The following DOCK4 variants were observed in gnomAD, a reference collection of about 807,000 sequenced individuals.
DOCK4 encodes the protein dedicator of cytokinesis protein 4.
DOCK4 carries 97 observed loss-of-function variants against 268.1 expected under a neutral mutation model. The ratio of observed to expected loss-of-function variants is 0.36; its 90% CI spans 0.31 to 0.43. DOCK4 has a LOEUF of 0.43. DOCK4 is among the 20% of genes least tolerant of loss of function. DOCK4 has a pLI of 1.00. For synonymous variants in DOCK4, 954 were observed against 887.2 expected, an observed-to-expected ratio of 1.08 and a Z score of -1.34; for missense variants, 2,145 against 2,455.7, an observed-to-expected ratio of 0.87 and a Z score of 2.67.
At chr7:111,798,545 G>C (rs1436448935) in intron 30 of DOCK4, among the ~76,000 whole-genome samples, 1 of 152,276 alleles carries the variant, frequency 6.6e-6, no homozygotes, top group Non-Finnish European at 1.5e-5. Context: ...CCAAGCCACT[G>C]TCATAATAGC....
At chr7:111,979,193 G>A (rs548832838) in intron 7 of DOCK4, among the ~76,000 whole-genome samples, 13 of 152,078 alleles carry the variant, frequency 8.5e-5, no homozygotes, top group African/African-American at 2.4e-4. Context: ...GAATTTTTTC[G>A]TGCTTAGAAG....
At chr7:112,183,705 G>A (rs1819247480) in intron 1 of DOCK4, among the ~76,000 whole-genome samples, 1 of 152,170 alleles carries the variant, frequency 6.6e-6, no homozygotes, top group African/African-American at 2.4e-5. Context: ...GGTGAGGGTT[G>A]GGTAGTTCAA....
At chr7:112,042,083 C>G (rs928253013) in intron 1 of DOCK4, among the ~76,000 whole-genome samples, 6 of 152,224 alleles carry the variant, frequency 3.9e-5, no homozygotes, top group Admixed American at 3.9e-4. Context: ...TACTACCACT[C>G]TTGTGAACAG....
chr7:112,032,794 C>T (rs950282799), intron 1 of DOCK4, among the ~76,000 whole-genome samples: 8 of 152,018 alleles, frequency 5.3e-5, no homozygotes, highest in Non-Finnish European at 8.8e-5. Context: ...AAATGTACTA[C>T]CTTTTATTCT....
chr7:111,900,662 C>G lies in DOCK4; in HGVS notation c.1318-126G>C. On this transcript the variant is annotated intron_variant, in intron 14 of 52. Transcript: ENST00000428084. Reference sequence around the variant, plus strand: ...GCACTATGAAATTACCTCGCTGGGCCTTTGCCGTGTGTTTCTGTACTTGCT... The same window carrying G: ...GCACTATGAAATTACCTCGCTGGGCGTTTGCCGTGTGTTTCTGTACTTGCT... 25 of 981,088 alleles carry G rather than the reference C, an allele frequency of 2.5e-5. No homozygotes were observed. The South Asian group carries it at 4.3e-4, about 17-fold the overall frequency. 60.8% of individuals were successfully genotyped at this position (981,088 alleles called of 1,614,324 possible).
intron 1 of DOCK4, among the ~76,000 whole-genome samples, chr7:112,018,327 T>C (rs1802035544): frequency 6.6e-6 from 1 of 152,128 alleles, no homozygotes; most frequent in Admixed American, 6.6e-5. Flanking sequence ...AAAAAAATGC[T>C]GCTTGTTTAT....
chr7:111,814,818 T>C (rs756068307), intron 27 of DOCK4, among the ~76,000 whole-genome samples: 1 of 152,164 alleles, frequency 6.6e-6, no homozygotes, highest in South Asian at 2.1e-4. Context: ...CACAGGGCAT[T>C]GGGCCTGTGA....
intron 30 of DOCK4, among the ~76,000 whole-genome samples, chr7:111,805,091 G>A (rs1800577787): frequency 6.6e-6 from 1 of 152,180 alleles, no homozygotes; most frequent in Non-Finnish European, 1.5e-5. Context: ...GGGAAGAAGA[G>A]AAGCCCTGCC....
At chr7:112,077,765 G>T (rs544549543) in intron 1 of DOCK4, among the ~76,000 whole-genome samples, 1 of 152,124 alleles carries the variant, frequency 6.6e-6, no homozygotes, top group South Asian at 2.1e-4. Context: ...GGATAATACA[G>T]CACTTGTAAT....
chr7:111,852,164 A>G (rs1470127028), intron 23 of DOCK4, among the ~76,000 whole-genome samples: 1 of 151,976 alleles, frequency 6.6e-6, no homozygotes, highest in South Asian at 2.1e-4. Context: ...GGGTTTCACC[A>G]TATTCCCCAG....
At chr7:112,012,474 C>A (rs1001051171) in intron 1 of DOCK4, among the ~76,000 whole-genome samples, 1 of 152,076 alleles carries the variant, frequency 6.6e-6, no homozygotes, top group African/African-American at 2.4e-5. Flanking sequence ...TTCTGCACAA[C>A]AGTATTATTT....
At chr7:111,956,747 T>C (rs6959716) in intron 8 of DOCK4, among the ~76,000 whole-genome samples, 51,001 of 152,066 alleles carry the variant, frequency 0.34, 11,870 homozygotes, top group African/African-American at 0.67. Flanking sequence ...GCCTGCCTTT[T>C]CCCTTTAAAT....
At chr7:111,762,557 A>G (rs1315900868) in intron 39 of DOCK4, among the ~76,000 whole-genome samples, 1 of 151,992 alleles carries the variant, frequency 6.6e-6, no homozygotes, top group Non-Finnish European at 1.5e-5. Flanking sequence ...GTATCATTGC[A>G]TAGATATGCT....
chr7:111,750,019 AC>A (rs1167519434), intron 42 of DOCK4, among the ~76,000 whole-genome samples: 2 of 152,210 alleles, frequency 1.3e-5, no homozygotes, highest in Non-Finnish European at 2.9e-5. Flanking sequence ...TAGAGTGTTC[AC>A]CAAGAATTAC....
At chr7:111,887,697 C>T (rs957412095) in intron 16 of DOCK4, among the ~76,000 whole-genome samples, 8 of 151,500 alleles carry the variant, frequency 5.3e-5, no homozygotes, top group African/African-American at 1.9e-4. Flanking sequence ...GGAAGACAGA[C>T]ATTTCACGCA....
chr7:111,857,579 A>AT (rs1016946436), intron 23 of DOCK4, among the ~76,000 whole-genome samples: 1 of 152,282 alleles, frequency 6.6e-6, no homozygotes, highest in South Asian at 2.1e-4. Context: ...ATATATAGCT[A>AT]TTTTTTAGCA....
At chr7:112,162,565 C>A (rs771475782) in intron 1 of DOCK4, among the ~76,000 whole-genome samples, 1 of 151,998 alleles carries the variant, frequency 6.6e-6, no homozygotes, top group Non-Finnish European at 1.5e-5. Flanking sequence ...CCACACACCC[C>A]ACTCCCCTCT....
chr7:111,740,953 C>T (rs775856236), intron 47 of DOCK4, 141 bp downstream of exon 47: 7 of 974,300 alleles, frequency 7.2e-6, no homozygotes, highest in Non-Finnish European at 1.1e-5. Context: ...ACCCATAAAG[C>T]AAGAAGAGTG....
chr7:112,051,843 A>G (rs1245221428), intron 1 of DOCK4, among the ~76,000 whole-genome samples: 9 of 152,156 alleles, frequency 5.9e-5, no homozygotes, highest in Admixed American at 5.9e-4. Context: ...ATTTCTCAGA[A>G]GACTTAATTT....
Sources: gnomAD v4.1 joint callset for allele counts (sites outside exome capture counted in the v4.1 genomes callset) on GRCh38, gnomAD v4.1.1 for gene constraint, MANE v1.5 for transcripts, NCBI Gene and HGNC (gene_info 2026-07-23, HGNC 2026-07-21) for gene names.